The following HUNK variants were observed in gnomAD, a reference collection of about 807,000 sequenced individuals.
The protein encoded by HUNK is hormonally up-regulated Neu-associated kinase.
In HUNK, 21 loss-of-function variants were observed where a neutral mutation model predicts 61.0. The observed-to-expected ratio is 0.34, with a 90% CI of 0.24 to 0.50. The LOEUF (loss-of-function observed/expected upper bound fraction) is 0.50. HUNK is among the 20% of genes least tolerant of loss of function. The pLI, the probability that HUNK is intolerant of heterozygous loss-of-function variation, is 0.98. For missense variants in HUNK, 772 were observed against 945.7 expected (o/e 0.82, Z 2.41); for synonymous variants, 371 against 386.1 (o/e 0.96, Z 0.46).
At chr21:31,907,240 A>G (rs1298543514) in intron 1 of HUNK, among the ~76,000 whole-genome samples, 1 of 152,142 alleles carries the variant, frequency 6.6e-6, no homozygotes, top group Non-Finnish European at 1.5e-5. Flanking sequence ...TAAAACACAC[A>G]CCAGATCTCA....
intron 5 of HUNK, among the ~76,000 whole-genome samples, chr21:31,967,581 G>T (rs1047537247): frequency 6.6e-6 from 1 of 152,020 alleles, no homozygotes. Context: ...ATTATTTTTG[G>T]CCAGGCGTGG....
At chr21:31,968,490 C>A in intron 6 of HUNK, 105 bp downstream of exon 6, 1 of 1,373,338 alleles carries the variant, frequency 7.3e-7, no homozygotes, top group Non-Finnish European at 1.0e-6. Context: ...GGAAAAGCCG[C>A]GCTCTCTCTT....
chr21:31,946,702 C>T (rs9636860), intron 4 of HUNK, among the ~76,000 whole-genome samples: 12,170 of 152,116 alleles, frequency 0.08, 616 homozygotes, highest in South Asian at 0.18. Context: ...GCAACCTCCC[C>T]TTCCCAGGTT....
chr21:31,883,449 C>T (rs569650414), intron 1 of HUNK, among the ~76,000 whole-genome samples: 15 of 152,182 alleles, frequency 9.9e-5, no homozygotes, highest in East Asian at 7.7e-4. Flanking sequence ...CATGTCCATT[C>T]GCCAATTTTC....
At chr21:31,987,127 G>A (rs1192727029) in intron 8 of HUNK, among the ~76,000 whole-genome samples, 4 of 152,202 alleles carry the variant, frequency 2.6e-5, no homozygotes, top group Non-Finnish European at 4.4e-5. Context: ...GATAGGTCTG[G>A]GATAAGCAAC....
intron 4 of HUNK, among the ~76,000 whole-genome samples, chr21:31,958,610 C>T (rs1292728822): frequency 6.6e-6 from 1 of 152,056 alleles, no homozygotes; most frequent in East Asian, 1.9e-4. Flanking sequence ...GAACTCCTGA[C>T]CTCAGATGAT....
chr21:31,967,961 C>A (rs892615953), intron 5 of HUNK, among the ~76,000 whole-genome samples: 3 of 152,100 alleles, frequency 2.0e-5, no homozygotes, highest in African/African-American at 7.2e-5. Flanking sequence ...ACCAGTTGCT[C>A]CCCTTGGACA....
chr21:31,904,779 G>A (rs549171815), intron 1 of HUNK, among the ~76,000 whole-genome samples: 4 of 152,248 alleles, frequency 2.6e-5, no homozygotes, highest in South Asian at 2.1e-4. Context: ...AATGTGATTC[G>A]ATTTGGAGAT....
chr21:31,916,421 A>G (rs1475873283), intron 1 of HUNK, among the ~76,000 whole-genome samples: 1 of 152,032 alleles, frequency 6.6e-6, no homozygotes, highest in Admixed American at 6.6e-5. Flanking sequence ...TACCGGGTGC[A>G]TTACTGGGCC....
chr21:31,873,772 A>G lies in HUNK; in HGVS notation c.98A>G (p.Glu33Gly). The G allele has an allele frequency of 1.3e-6, 2 of 1,509,926 alleles. No homozygotes were observed. Among genetic ancestry groups the G allele is most frequent in the Non-Finnish European group, 1.8e-6 (2 of 1,131,694 alleles). The allele number at this position is 1,509,926 out of a possible 1,614,324, so 93.5% of individuals were successfully genotyped here. A position where few individuals can be genotyped will look rare whatever the true frequency, so the allele number is the denominator to read the frequency against. Residue 33 changes from glutamate (E) to glycine (G), a missense_variant, in exon 1 of 11, where the codon GAG becomes GGG. Glu to Gly is a moderately conservative substitution (Grantham distance 98). Coordinates refer to ENST00000270112, the MANE Select transcript of HUNK (RefSeq NM_014586.2). This position sits in a 1 kb window ranked among gnomAD's most constrained non-coding sequence, Gnocchi z 6.1. ...GCGGCCAGGCCCGCGGCGGCCTGCG[A>G]GGGAAGTTTCCTGCCTGCCTGGGTG... ...EDAARPAAAC[E>G]GSFLPAWVSG...
At chr21:31,878,085 C>G (rs2052278902) in intron 1 of HUNK, among the ~76,000 whole-genome samples, 1 of 151,080 alleles carries the variant, frequency 6.6e-6, no homozygotes. Flanking sequence ...ATGGTGAAAC[C>G]CTGTCTCTAA....
rs185698062 is a variant in HUNK, at chr21:32,002,836, T to C, written c.*3652T>C. Reference sequence around the variant, plus strand: ...ACGAAGCCTTAGAGGGTGACATAGCTAGAAAGTGGAGAAGCTCACTGTTCA... The same window carrying C: ...ACGAAGCCTTAGAGGGTGACATAGCCAGAAAGTGGAGAAGCTCACTGTTCA... On this transcript the variant is annotated 3_prime_UTR_variant, in exon 11 of 11. Coordinates refer to ENST00000270112, the MANE Select transcript of HUNK (RefSeq NM_014586.2). 11 of 152,332 alleles carry C rather than the reference T, an allele frequency of 7.2e-5. No homozygotes were observed. The East Asian group carries it at 2.1e-3, about 29-fold the overall frequency. 9.4% of individuals were successfully genotyped at this position (152,332 alleles called of 1,614,324 possible).
At chr21:31,949,764 C>T (rs115040610) in intron 4 of HUNK, among the ~76,000 whole-genome samples, 3,263 of 152,272 alleles carry the variant, frequency 0.021, 113 homozygotes, top group African/African-American at 0.072. Context: ...GTGGCAGCAT[C>T]GGCTTCTGGT....
chr21:31,939,263 T>TAA, intron 2 of HUNK, among the ~76,000 whole-genome samples: 1 of 152,146 alleles, frequency 6.6e-6, no homozygotes, highest in Non-Finnish European at 1.5e-5. Context: ...ACCAACATCT[T>TAA]TGGAGTCCAT....
rs1399569384 is a variant in HUNK, at chr21:32,003,874, C to T, written c.*4690C>T. ...GCATTTCAGGATTTGCAGTCCCCCT[C>T]CACATGTATCCACATCTGAGCTGGT... On this transcript the variant is annotated 3_prime_UTR_variant, in exon 11 of 11. Coordinates refer to ENST00000270112, the MANE Select transcript of HUNK (RefSeq NM_014586.2). The T allele has an allele frequency of 2.0e-5, 3 of 152,138 alleles. No individual in the cohort carries two copies. Among genetic ancestry groups the T allele is most frequent in the Non-Finnish European group, 2.9e-5 (2 of 68,050 alleles). The allele number at this position is 152,138 out of a possible 1,614,324, so 9.4% of individuals were successfully genotyped here.
chr21:31,919,197 C>T (rs188531270), intron 1 of HUNK, among the ~76,000 whole-genome samples: 3 of 132,780 alleles, frequency 2.3e-5, no homozygotes, highest in South Asian at 4.9e-4. Flanking sequence ...CTGGACTGAG[C>T]GGTATGAGGA....
intron 9 of HUNK, among the ~76,000 whole-genome samples, chr21:31,994,989 C>A (rs1013838562): frequency 2.6e-5 from 4 of 152,014 alleles, no homozygotes; most frequent in South Asian, 2.1e-4. Flanking sequence ...CCCATCTCTA[C>A]AAGAAATCTT....
At chr21:31,905,761 G>T (rs577780276) in intron 1 of HUNK, among the ~76,000 whole-genome samples, 1 of 152,342 alleles carries the variant, frequency 6.6e-6, no homozygotes, top group South Asian at 2.1e-4. Context: ...GTGGAAAAAA[G>T]ACCTACTTTT....
Position 31,946,152 on chromosome 21 carries a change from A to C in HUNK, c.727A>C (p.Lys243Gln), listed in dbSNP as rs771376041. 9 of 1,612,654 alleles carry C rather than the reference A, an allele frequency of 5.6e-6. No individual in the cohort carries two copies. The highest frequency in any genetic ancestry group is 1.7e-5 in the Admixed American group (1 of 59,984). ...ELLARKKYGP[K>Q]IDVWSIGVNM... ...GCTCGCCAGGAAGAAATACGGCCCCAAAATCGATGTCTGGTCCATGTGAGT... is the reference window on the plus strand; with the variant it reads ...GCTCGCCAGGAAGAAATACGGCCCCCAAATCGATGTCTGGTCCATGTGAGT... Residue 243 changes from lysine to glutamine, a missense_variant, in exon 4 of 11, where the codon AAA becomes CAA. Physicochemically the swap from Lys to Gln is moderately conservative, Grantham distance 53 (BLOSUM62 1). Around this residue, in one of 2 missense-constraint regions of HUNK, gnomAD observed 359 missense variants for 501.3 expected, o/e 0.72. Transcript: ENST00000270112.
Sources: allele counts gnomAD v4.1 joint callset (sites outside exome capture counted in the v4.1 genomes callset), GRCh38; gene constraint gnomAD v4.1.1; regional missense constraint gnomAD v4.1.1; non-coding constraint Gnocchi (gnomAD v3.1); transcripts MANE v1.5; gene names NCBI Gene and HGNC (gene_info 2026-07-23, HGNC 2026-07-21).